PLXDC2: variants seen among roughly 807,000 people sequenced by gnomAD.
PLXDC2 encodes the protein plexin domain-containing protein 2.
A neutral mutation model predicts 68.9 loss-of-function variants in PLXDC2; 40 were observed. That is an observed-to-expected ratio of 0.58 (90% CI 0.45 to 0.76). The LOEUF (loss-of-function observed/expected upper bound fraction) is 0.76, where lower values mean the gene tolerates loss of function less well. Ranked by LOEUF, PLXDC2 falls within the 30% of genes least tolerant of loss-of-function variation. The pLI, the probability that PLXDC2 is intolerant of heterozygous loss-of-function variation, is 0.00. For synonymous variants in PLXDC2, 243 were observed against 234.2 expected (o/e 1.04, Z -0.34); for missense variants, 644 against 661.9 (o/e 0.97, Z 0.30).
At chr10:20,181,652 A>G (rs1397776244) in intron 9 of PLXDC2, among the ~76,000 whole-genome samples, 1 of 152,004 alleles carries the variant, frequency 6.6e-6, no homozygotes. Context: ...GCTTGACCTG[A>G]TGAGGAAAGG....
intron 2 of PLXDC2, among the ~76,000 whole-genome samples, chr10:20,017,946 G>A (rs1211677144): frequency 6.6e-6 from 1 of 152,230 alleles, no homozygotes; most frequent in Non-Finnish European, 1.5e-5. Flanking sequence ...GGGACCATAA[G>A]GAGAATGCCC....
At chr10:20,267,760 C>T (rs541386040) in intron 13 of PLXDC2, among the ~76,000 whole-genome samples, 68 of 139,346 alleles carry the variant, frequency 4.9e-4, no homozygotes, top group Non-Finnish European at 7.9e-4. Flanking sequence ...CCATTGACTA[C>T]AAAACAAAAC....
chr10:19,827,762 T>A (rs1286263621), intron 1 of PLXDC2, among the ~76,000 whole-genome samples: 1 of 152,144 alleles, frequency 6.6e-6, no homozygotes, highest in East Asian at 1.9e-4. Flanking sequence ...TTTCACCATG[T>A]TGGCCAAGCT....
At chr10:20,070,491 G>T (rs1836297533) in intron 4 of PLXDC2, among the ~76,000 whole-genome samples, 1 of 152,148 alleles carries the variant, frequency 6.6e-6, no homozygotes, top group African/African-American at 2.4e-5. Context: ...AAATGAAATT[G>T]CTCACAAGAA....
At chr10:20,014,848 A>C (rs995688197) in intron 2 of PLXDC2, among the ~76,000 whole-genome samples, 2 of 152,108 alleles carry the variant, frequency 1.3e-5, no homozygotes, top group Non-Finnish European at 2.9e-5. Context: ...CTCTATTTTT[A>C]TCTTTTCCTT....
intron 4 of PLXDC2, among the ~76,000 whole-genome samples, chr10:20,113,180 G>C (rs2131750406): frequency 6.6e-6 from 1 of 152,246 alleles, no homozygotes; most frequent in South Asian, 2.1e-4. Flanking sequence ...TGCCTCAACA[G>C]GTAGATGTTC....
chr10:19,856,387 C>T (rs965524075), intron 1 of PLXDC2, among the ~76,000 whole-genome samples: 5 of 136,016 alleles, frequency 3.7e-5, no homozygotes, highest in African/African-American at 1.0e-4. Flanking sequence ...CAGACACACA[C>T]ACACACACAC....
At chr10:20,043,783 C>T (rs902072179) in intron 2 of PLXDC2, among the ~76,000 whole-genome samples, 4 of 151,784 alleles carry the variant, frequency 2.6e-5, no homozygotes, top group African/African-American at 9.7e-5. Flanking sequence ...TTATACCATT[C>T]CCTGAAAAAT....
intron 1 of PLXDC2, among the ~76,000 whole-genome samples, chr10:19,851,989 C>T (rs940771211): frequency 6.6e-6 from 1 of 152,128 alleles, no homozygotes; most frequent in Admixed American, 6.5e-5. Flanking sequence ...CTGGATCAGG[C>T]CACAGAAAGG....
chr10:20,255,272 G>A (rs1330338026), intron 13 of PLXDC2, among the ~76,000 whole-genome samples: 2 of 152,090 alleles, frequency 1.3e-5, no homozygotes, highest in Middle Eastern at 3.4e-3. Context: ...AGAATCAGAT[G>A]GATAAATAAA....
At chr10:20,172,450 C>G (rs1274357794) in intron 7 of PLXDC2, among the ~76,000 whole-genome samples, 9 of 152,122 alleles carry the variant, frequency 5.9e-5, no homozygotes, top group African/African-American at 2.2e-4. Context: ...AATTTACTGT[C>G]CCTCTGCTGG....
At chr10:19,911,641 AC>A (rs1188533614) in intron 1 of PLXDC2, among the ~76,000 whole-genome samples, 2 of 152,146 alleles carry the variant, frequency 1.3e-5, no homozygotes, top group African/African-American at 2.4e-5. Flanking sequence ...AAAACTGAAG[AC>A]CCAGAGAAAT....
rs552220862 is a variant in PLXDC2 at position 20,282,017 on chromosome 10, C to A, written c.*2198C>A. ...TGTTATTCTTATACCCTTCAGCGTT[C>A]TATTTTGATTCAAAACAATTGATTC... On this transcript the variant is annotated 3_prime_UTR_variant, in exon 14 of 14. Transcript: ENST00000377252. 1 of 152,180 alleles carries A rather than the reference C, an allele frequency of 6.6e-6. No homozygotes were observed. The highest frequency in any genetic ancestry group is 1.9e-4 in the East Asian group (1 of 5,182). The allele number at this position is 152,180 out of a possible 1,614,324, so 9.4% of individuals were successfully genotyped here. A position where few individuals can be genotyped will look rare whatever the true frequency, so the allele number is the denominator to read the frequency against.
At position 20,217,710 on chromosome 10, in the gene PLXDC2, A is replaced by G. The variant is rs901133504; in HGVS notation, c.1273+134A>G. 32 of 1,160,116 alleles carry G rather than the reference A, an allele frequency of 2.8e-5. No individual in the cohort carries two copies. In the African/African-American group the frequency reaches 4.9e-4, roughly 18 times the overall value. The allele number at this position is 1,160,116 out of a possible 1,614,324, so 71.9% of individuals were successfully genotyped here. A position where few individuals can be genotyped will look rare whatever the true frequency, so the allele number is the denominator to read the frequency against. ...TCTCTCTAAAGTTATTCTTTGGCAA[A>G]CTGGATTTCTAAGGGATTTCCAAAG... On this transcript the variant is annotated intron_variant, in intron 11 of 13. Coordinates refer to ENST00000377252, the MANE Select transcript of PLXDC2 (RefSeq NM_032812.9).
At chr10:19,942,261 G>A (rs1450740054) in intron 1 of PLXDC2, among the ~76,000 whole-genome samples, 1 of 152,192 alleles carries the variant, frequency 6.6e-6, no homozygotes, top group African/African-American at 2.4e-5. Flanking sequence ...ACCATATAGT[G>A]TGCTAAATAG....
chr10:20,260,944 GT>G (rs1388315192), intron 13 of PLXDC2, among the ~76,000 whole-genome samples: 1 of 152,190 alleles, frequency 6.6e-6, no homozygotes, highest in African/African-American at 2.4e-5. Context: ...CTGAGACAGA[GT>G]AATGTTGAGC....
chr10:19,864,449 G>T (rs1441408333), intron 1 of PLXDC2, among the ~76,000 whole-genome samples: 2 of 152,130 alleles, frequency 1.3e-5, no homozygotes, highest in Non-Finnish European at 2.9e-5. Context: ...TCCTGATTTT[G>T]ATTTTCGTCT....
At chr10:19,979,026 TA>T (rs2131618224) in intron 1 of PLXDC2, among the ~76,000 whole-genome samples, 1 of 152,282 alleles carries the variant, frequency 6.6e-6, no homozygotes, top group South Asian at 2.1e-4. Flanking sequence ...GGAAACAAAA[TA>T]AACGTTTCTT....
chr10:20,072,527 G>GA (rs1246407787), intron 4 of PLXDC2, among the ~76,000 whole-genome samples: 1 of 104,532 alleles, frequency 9.6e-6, no homozygotes, highest in Non-Finnish European at 1.7e-5. Context: ...AAGAAAGAAA[G>GA]AAAGAAAGAA....
Sources: gnomAD v4.1 joint callset for allele counts (sites outside exome capture counted in the v4.1 genomes callset) on GRCh38, gnomAD v4.1.1 for gene constraint, MANE v1.5 for transcripts, NCBI Gene and HGNC (gene_info 2026-07-23, HGNC 2026-07-21) for gene names.